TRIM9: variants seen among roughly 807,000 people sequenced by gnomAD.
TRIM9 encodes tripartite motif containing 9.
Under a neutral mutation model 78.3 loss-of-function variants are expected in TRIM9, and 26 were observed. The ratio of observed to expected loss-of-function variants is 0.33; its 90% CI spans 0.24 to 0.46. The LOEUF (loss-of-function observed/expected upper bound fraction) is 0.46. Ranked by LOEUF, TRIM9 falls within the 20% of genes least tolerant of loss-of-function variation. The pLI, the probability that TRIM9 is intolerant of heterozygous loss-of-function variation, is 1.00. For synonymous variants in TRIM9, 398 were observed against 416.5 expected (o/e 0.96, Z 0.54); for missense variants, 787 against 1,036.4 (o/e 0.76, Z 3.30).
chr14:51,063,266 C>T (rs534068318), intron 1 of TRIM9, among the ~76,000 whole-genome samples: 15 of 151,992 alleles, frequency 9.9e-5, no homozygotes, highest in Middle Eastern at 3.4e-3. Flanking sequence ...ATAAAAAATT[C>T]GGAAGGCATC....
At chr14:50,991,712 A>T (rs939285833) in intron 7 of TRIM9, among the ~76,000 whole-genome samples, 4 of 152,240 alleles carry the variant, frequency 2.6e-5, no homozygotes, top group Non-Finnish European at 4.4e-5. Context: ...AACTTTCAAC[A>T]GCAGTTTTAG....
intron 6 of TRIM9, among the ~76,000 whole-genome samples, chr14:51,000,102 T>C (rs190386643): frequency 3.9e-5 from 6 of 152,190 alleles, no homozygotes; most frequent in African/African-American, 9.6e-5. Context: ...TTGCTTAGAA[T>C]AGGGAAGCTA....
chr14:50,994,241 A>G (rs949758577), intron 7 of TRIM9, among the ~76,000 whole-genome samples: 1 of 152,218 alleles, frequency 6.6e-6, no homozygotes, highest in African/African-American at 2.4e-5. Context: ...CCACATCTCT[A>G]CAAAAAATTT....
At chr14:51,061,091 T>A (rs2140156163) in intron 1 of TRIM9, among the ~76,000 whole-genome samples, 1 of 152,326 alleles carries the variant, frequency 6.6e-6, no homozygotes, top group African/African-American at 2.4e-5. Context: ...TTGTGAAGTG[T>A]CTGCTCGAGT....
At position 50,986,010 on chromosome 14, in the gene TRIM9, A is replaced by G; in HGVS notation, c.1738T>C (p.Ser580Pro). ...FPGRSYFDFR[S>P]SPHQLSLHSS... The stretch of plus-strand genomic sequence containing the variant: ...TGCAAGCTCAGCTGGTGGGGTGAGG[A>G]TCGGAAATCAAAGTAGGATCTCCCG... The change falls in exon 8 of 13, where the codon TCC becomes CCC. Residue 580 changes from serine to proline, a missense_variant. Ser to Pro is a moderately conservative substitution (Grantham distance 74). Coordinates refer to ENST00000684578, the MANE Select transcript of TRIM9 (RefSeq NM_001387360.1). 1 of 1,549,290 alleles carries G rather than the reference A, an allele frequency of 6.5e-7. No homozygotes were observed.
chr14:50,981,863 G>C lies in TRIM9; in HGVS notation c.2099C>G (p.Ala700Gly). Residue 700 changes from alanine to glycine, a missense_variant, in exon 11 of 13, where the codon GCT becomes GGT. Transcript: ENST00000684578. ...GTTATTGTCCACATACATTGCCCAA[G>C]CTTTGTCGTCTTTTCCTAACATCAC... Reference protein sequence around the residue: ...KDVMLGKDDKAWAMYVDNNRS... With the variant: ...KDVMLGKDDKGWAMYVDNNRS... The C allele has an allele frequency of 6.2e-7, 1 of 1,614,174 alleles. No homozygotes were observed. Among genetic ancestry groups the C allele is most frequent in the African/African-American group, 1.3e-5 (1 of 75,022 alleles).
intron 1 of TRIM9, among the ~76,000 whole-genome samples, chr14:51,040,432 GC>G (rs1188293028): frequency 3.3e-5 from 5 of 152,108 alleles, no homozygotes; most frequent in African/African-American, 1.2e-4. Flanking sequence ...CATGGTAACT[GC>G]CTACTCTGGT....
chr14:51,053,824 A>T (rs1419788096), intron 1 of TRIM9, among the ~76,000 whole-genome samples: 1 of 151,740 alleles, frequency 6.6e-6, no homozygotes, highest in African/African-American at 2.4e-5. Context: ...CAGAACAGGT[A>T]TTCTTATGGA....
At chr14:50,982,397 CA>C in intron 10 of TRIM9, 1 of 463,020 alleles carries the variant, frequency 2.2e-6, no homozygotes, top group South Asian at 2.4e-5. Flanking sequence ...CAAGTCCCTT[CA>C]CCTGGTGACT....
chr14:51,008,288 T>A (rs1430125667), intron 5 of TRIM9, among the ~76,000 whole-genome samples: 1 of 152,208 alleles, frequency 6.6e-6, no homozygotes, highest in Non-Finnish European at 1.5e-5. Flanking sequence ...AGTGTCAACT[T>A]CCTGGTTTTG....
chr14:51,010,311 G>C, intron 4 of TRIM9, 73 bp downstream of exon 4: 3 of 1,257,554 alleles, frequency 2.4e-6, no homozygotes, highest in Non-Finnish European at 3.5e-6. Flanking sequence ...GCTGTTGGAA[G>C]TCTGACTTAA....
At chr14:51,053,847 C>T (rs2060662822) in intron 1 of TRIM9, among the ~76,000 whole-genome samples, 3 of 151,458 alleles carry the variant, frequency 2.0e-5, no homozygotes, top group African/African-American at 7.3e-5. Flanking sequence ...GTAAGAATTA[C>T]AAATTATTGC....
At chr14:51,041,414 A>C (rs1227333046) in intron 1 of TRIM9, among the ~76,000 whole-genome samples, 1 of 152,266 alleles carries the variant, frequency 6.6e-6, no homozygotes, top group East Asian at 1.9e-4. Flanking sequence ...TTTGAGCTGC[A>C]GCCCACTCTG....
intron 11 of TRIM9, 108 bp downstream of exon 11, chr14:50,981,692 C>T: frequency 2.1e-6 from 3 of 1,411,776 alleles, no homozygotes; most frequent in Non-Finnish European, 9.8e-7. Flanking sequence ...TGTAGACCAC[C>T]TGTTTGATTT....
At chr14:51,012,359 C>T (rs1177101115) in intron 3 of TRIM9, among the ~76,000 whole-genome samples, 1 of 152,204 alleles carries the variant, frequency 6.6e-6, no homozygotes, top group African/African-American at 2.4e-5. Context: ...GCTTATTTCA[C>T]TTAGCATAAT....
At chr14:51,071,799 T>TG (rs2062294721) in intron 1 of TRIM9, among the ~76,000 whole-genome samples, 1 of 152,150 alleles carries the variant, frequency 6.6e-6, no homozygotes, top group African/African-American at 2.4e-5. Flanking sequence ...GAGTGAGCCC[T>TG]GTCTCAAAAA....
At chr14:51,038,212 CAGA>C (rs1381090434) in intron 1 of TRIM9, among the ~76,000 whole-genome samples, 1 of 151,984 alleles carries the variant, frequency 6.6e-6, no homozygotes, top group Non-Finnish European at 1.5e-5. Context: ...GATGTGATGA[CAGA>C]AGAAGGATCA....
intron 1 of TRIM9, among the ~76,000 whole-genome samples, chr14:51,091,819 T>A (rs1341846994): frequency 5.3e-5 from 8 of 152,194 alleles, no homozygotes; most frequent in Non-Finnish European, 1.2e-4. Context: ...TTAACATTCT[T>A]TTGTGGCAGG....
chr14:51,030,750 G>A (rs1420750864), intron 1 of TRIM9, among the ~76,000 whole-genome samples: 1 of 151,972 alleles, frequency 6.6e-6, no homozygotes, highest in African/African-American at 2.4e-5. Flanking sequence ...GGAGGCTCTT[G>A]GCTTTGGGGG....
Sources: allele counts gnomAD v4.1 joint callset (sites outside exome capture counted in the v4.1 genomes callset), GRCh38; gene constraint gnomAD v4.1.1; transcripts MANE v1.5; gene names NCBI Gene and HGNC (gene_info 2026-07-23, HGNC 2026-07-21).